The following KYAT3 variants were observed in gnomAD, a reference collection of about 807,000 sequenced individuals.
The protein encoded by KYAT3 is kynurenine--oxoglutarate transaminase 3.
Under a neutral mutation model 59.0 loss-of-function variants are expected in KYAT3, and 50 were observed. That is an observed-to-expected ratio of 0.85 (90% confidence interval 0.68 to 1.07). KYAT3 has a LOEUF of 1.07. Among genes scored for constraint, KYAT3 ranks in the 50% least tolerant of loss-of-function variants. KYAT3 has a pLI of 0.00. For synonymous variants in KYAT3, 148 were observed against 177.0 expected, an observed-to-expected ratio of 0.84 and a Z score of 1.30; for missense variants, 497 against 533.3, an observed-to-expected ratio of 0.93 and a Z score of 0.67.
At chr1:88,958,346 C>G (rs371187037) in intron 8 of KYAT3, among the ~76,000 whole-genome samples, 1 of 151,490 alleles carries the variant, frequency 6.6e-6, no homozygotes, top group African/African-American at 2.4e-5. Context: ...TAAATAGCCC[C>G]GATGTACCAT....
At chr1:88,944,912 C>T (rs1675377687) in intron 11 of KYAT3, among the ~76,000 whole-genome samples, 1 of 152,128 alleles carries the variant, frequency 6.6e-6, no homozygotes, top group African/African-American at 2.4e-5. Context: ...GGCACGATCT[C>T]GGCTCACTGC....
In KYAT3 at chr1:88,982,838, C is replaced by G. The variant is rs746590040; in HGVS notation, c.99+5414G>C. On this transcript the variant is annotated intron_variant, in intron 2 of 13. Transcript: ENST00000260508. The stretch of plus-strand genomic sequence containing the variant: ...ACAACTTGAGTAGAGATCACTTCGG[C>G]TGCTTGAGTAACTGTCTCGACTTCC... 6.8e-6 allele frequency: 11 copies of G among 1,613,978 alleles called. No homozygotes were observed. In the South Asian group the frequency reaches 1.2e-4, roughly 18 times the overall value.
downstream of KYAT3, among the ~76,000 whole-genome samples, chr1:88,932,611 G>C (rs1307347461): frequency 6.6e-6 from 1 of 151,988 alleles, no homozygotes; most frequent in Admixed American, 6.6e-5. Context: ...CTCCCCCTCA[G>C]TCTCCCAAGT....
At chr1:88,992,205 C>G (rs879306346) in intron 1 of KYAT3, among the ~76,000 whole-genome samples, 8 of 152,270 alleles carry the variant, frequency 5.3e-5, no homozygotes, top group Admixed American at 5.2e-4. Context: ...GTCTCGATCT[C>G]CTGACCTCGT....
chr1:88,931,224 G>A (rs1393170429), downstream of KYAT3, among the ~76,000 whole-genome samples: 2 of 152,246 alleles, frequency 1.3e-5, no homozygotes, highest in African/African-American at 2.4e-5. Flanking sequence ...AGATAGTCAG[G>A]GCCTGTGAAG....
chr1:88,957,101 G>A (rs1412916981), intron 8 of KYAT3, among the ~76,000 whole-genome samples: 2 of 152,010 alleles, frequency 1.3e-5, no homozygotes, highest in African/African-American at 4.8e-5. Context: ...CCAAAACAAC[G>A]TATAAGTAAT....
rs1675027668 is a variant in KYAT3 at position 88,936,142 on chromosome 1, A to T, written c.*41T>A. 1 of 1,387,750 alleles carries T rather than the reference A, an allele frequency of 7.2e-7. No homozygotes were observed. Among genetic ancestry groups the T allele is most frequent in the Non-Finnish European group, 1.0e-6 (1 of 984,142 alleles). The allele number at this position is 1,387,750 out of a possible 1,614,324, so 86.0% of individuals were successfully genotyped here. A position where few individuals can be genotyped will look rare whatever the true frequency, so the allele number is the denominator to read the frequency against. Reference sequence around the variant, plus strand: ...TGGCAGCACTAAGTAACAATTCCATACTAGGTCATCTAACAGAAACATTAA... The same window carrying T: ...TGGCAGCACTAAGTAACAATTCCATTCTAGGTCATCTAACAGAAACATTAA... On this transcript the variant is annotated 3_prime_UTR_variant, in exon 14 of 14. Transcript: ENST00000260508.
At chr1:88,926,610 C>A in the KYAT3 span, among the ~76,000 whole-genome samples, 2 of 152,226 alleles carry the variant, frequency 1.3e-5, no homozygotes, top group Non-Finnish European at 2.9e-5. Flanking sequence ...GCCACCACAC[C>A]TGGCCCTGAC....
intron 2 of KYAT3, chr1:88,979,577 C>T (rs897663758): frequency 6.6e-6 from 1 of 151,928 alleles, no homozygotes; most frequent in Admixed American, 6.6e-5. Context: ...ATACAACTGG[C>T]CAAAAAGTAC....
At chr1:88,953,351 C>G (rs1000128092) in intron 9 of KYAT3, among the ~76,000 whole-genome samples, 199 bp from the exon 10 acceptor site, 14 of 151,966 alleles carry the variant, frequency 9.2e-5, no homozygotes, top group Admixed American at 6.6e-4. Context: ...TGAAGACCAG[C>G]CTGGTCAACA....
rs1553173413 is a variant in KYAT3 at position 88,990,271 on chromosome 1, A to AAAACATAAAAAACAAAC, written c.-1-1937_-1-1921dup. On this transcript the variant is annotated intron_variant, in intron 1 of 13. Coordinates refer to ENST00000260508, the MANE Select transcript of KYAT3 (RefSeq NM_001008661.3). ...AACTTTGTTTGTCTCTCCCGGTTAA[A>AAAACATAAAAAACAAAC]AAACATAAAAAACAAACAAAAAACA... 4.0e-5 allele frequency among the ~76,000 whole-genome samples: 6 copies of AAAACATAAAAAACAAAC among 150,588 alleles called. 1 individual carries two copies. Among genetic ancestry groups the AAAACATAAAAAACAAAC allele is most frequent in the South Asian group, 4.2e-4 (2 of 4,754 alleles).
intron 13 of KYAT3, among the ~76,000 whole-genome samples, chr1:88,937,560 A>G (rs1675086255): frequency 6.6e-6 from 1 of 152,242 alleles, no homozygotes; most frequent in Admixed American, 6.5e-5. Flanking sequence ...GTTAATAAAT[A>G]AATTGCTTAA....
At position 88,988,278 on chromosome 1, in the gene KYAT3, T is replaced by G. The variant is rs749969622; in HGVS notation, c.73A>C (p.Lys25Gln). The G allele has an allele frequency of 6.2e-7, 1 of 1,613,638 alleles. No homozygotes were observed. ...AKFLKTISSS[K>Q]ILGFSTSAKM... ...GCAGAAGTAGAGAATCCGAGGATTT[T>G]GGAAGAAGAAATTGTCTTCAGGAAT... is the stretch of plus-strand genomic sequence containing the variant. The change falls in exon 2 of 14, where the codon AAA (lysine) becomes CAA (glutamine). Residue 25 changes from lysine to glutamine, a missense_variant. Transcript: ENST00000260508.
chr1:88,986,017 C>T (rs1021444451), intron 2 of KYAT3, among the ~76,000 whole-genome samples: 2 of 151,818 alleles, frequency 1.3e-5, no homozygotes, highest in African/African-American at 4.8e-5. Flanking sequence ...CCCGTCTCTA[C>T]AAAAAATACA....
At chr1:88,943,453 A>G in intron 11 of KYAT3, 30 bp from the exon 12 acceptor site, 1 of 1,135,682 alleles carries the variant, frequency 8.8e-7, no homozygotes, top group Non-Finnish European at 1.3e-6. Flanking sequence ...TAGGTGGCCT[A>G]TGAATTTCAT....
chr1:88,951,388 C>T (rs1022545983), intron 10 of KYAT3, among the ~76,000 whole-genome samples: 1 of 151,964 alleles, frequency 6.6e-6, no homozygotes, highest in African/African-American at 2.4e-5. Context: ...GCGCCTGCCA[C>T]CATGCCCAGC....
intron 12 of KYAT3, 93 bp downstream of exon 12, chr1:88,943,257 T>G (rs544173012): frequency 1.4e-5 from 14 of 998,214 alleles, no homozygotes; most frequent in Non-Finnish European, 1.7e-5. Context: ...ATAACAACAT[T>G]ACATTTGATC....
chr1:88,943,430 C>T lies in KYAT3; in HGVS notation c.1142-7G>A. Reference sequence around the variant, plus strand: ...ATATCAGAGAGGTCTGGATCTAAAACCACAATGAAAATTAGGTGGCCTATG... The same window carrying T: ...ATATCAGAGAGGTCTGGATCTAAAATCACAATGAAAATTAGGTGGCCTATG... On this transcript the variant is annotated splice_polypyrimidine_tract_variant and splice_region_variant and intron_variant, in intron 11 of 13. Transcript: ENST00000260508. The T allele has an allele frequency of 6.6e-7, 1 of 1,514,264 alleles. No homozygotes were observed. Among genetic ancestry groups the T allele is most frequent in the Non-Finnish European group, 9.0e-7 (1 of 1,115,748 alleles). The allele number at this position is 1,514,264 out of a possible 1,614,324, so 93.8% of individuals were successfully genotyped here. A position where few individuals can be genotyped will look rare whatever the true frequency, so the allele number is the denominator to read the frequency against.
rs79629967 is a variant in KYAT3 at position 88,947,336 on chromosome 1, C to G, written c.1141+1755G>C. Among the ~76,000 whole-genome samples, 922 of 152,336 alleles carry G rather than the reference C, an allele frequency of 6.1e-3. 11 individuals are homozygous for G. Among genetic ancestry groups the G allele is most frequent in the South Asian group, 0.059 (286 of 4,826 alleles). Reference sequence around the variant, plus strand: ...GATCCCACTCTCTCTCTGTTCCCCACCTGCTGGTTGAGTGTGTATATCCTG... The same window carrying G: ...GATCCCACTCTCTCTCTGTTCCCCAGCTGCTGGTTGAGTGTGTATATCCTG... On this transcript the variant is annotated intron_variant, in intron 11 of 13. Coordinates refer to ENST00000260508, the MANE Select transcript of KYAT3 (RefSeq NM_001008661.3).
Sources: gnomAD v4.1 joint callset for allele counts (sites outside exome capture counted in the v4.1 genomes callset) on GRCh38, gnomAD v4.1.1 for gene constraint, MANE v1.5 for transcripts, NCBI Gene and HGNC (gene_info 2026-07-23, HGNC 2026-07-21) for gene names.